Variants in DCAF13 observed in about 807,000 individuals in gnomAD.
The protein encoded by DCAF13 is DDB1 and CUL4 associated factor 13.
A neutral mutation model predicts 59.0 loss-of-function variants in DCAF13; 38 were observed. The observed-to-expected ratio is 0.64, with a 90% confidence interval of 0.50 to 0.84. The LOEUF is 0.84. Ranked by LOEUF, DCAF13 falls within the 40% of genes least tolerant of loss-of-function variation. DCAF13 has a pLI of 0.00. For synonymous variants in DCAF13, 173 were observed against 175.0 expected, an observed-to-expected ratio of 0.99 and a Z score of 0.09; for missense variants, 469 against 558.4, an observed-to-expected ratio of 0.84 and a Z score of 1.61.
At chr8:103,435,093 A>G (rs1453442306) in intron 7 of DCAF13, among the ~76,000 whole-genome samples, 3 of 152,140 alleles carry the variant, frequency 2.0e-5, no homozygotes, top group Non-Finnish European at 2.9e-5. Context: ...ATTATATATA[A>G]TAAAATGTTG....
chr8:103,435,384 A>T (rs1816919146), intron 7 of DCAF13, among the ~76,000 whole-genome samples: 1 of 152,124 alleles, frequency 6.6e-6, no homozygotes, highest in South Asian at 2.1e-4. Context: ...AAATTTCCAC[A>T]TTTTCTACAA....
At chr8:103,420,851 T>A in intron 2 of DCAF13, 124 bp from the exon 3 acceptor site, 3 of 669,340 alleles carry the variant, frequency 4.5e-6, no homozygotes, top group South Asian at 1.8e-5. Context: ...TTGCATTGTT[T>A]TAATCCAAAG....
intron 5 of DCAF13, 26 bp downstream of exon 5, chr8:103,427,278 T>C: frequency 6.3e-7 from 1 of 1,582,596 alleles, no homozygotes. Flanking sequence ...AAGTATGTTT[T>C]ACTTATTATG....
chr8:103,420,043 A>G (rs1475978775), intron 1 of DCAF13, among the ~76,000 whole-genome samples: 1 of 151,756 alleles, frequency 6.6e-6, no homozygotes, highest in Non-Finnish European at 1.5e-5. Flanking sequence ...GCATGTATAT[A>G]TACCTAGGGT....
intron 1 of DCAF13, among the ~76,000 whole-genome samples, chr8:103,418,858 ATATATATATTTTTTTTTTTTTTTTTTTTT>A (rs1443396298): frequency 1.1e-4 from 4 of 34,950 alleles, no homozygotes; most frequent in Non-Finnish European, 1.9e-4. Context: ...ATATATATAT[ATATATATATTTTTTTTTTTTTTTTTTTTT>A]TTTTTTTTTT....
chr8:103,420,388 C>A lies in DCAF13; in HGVS notation c.195C>A (p.His65Gln). 1 of 1,614,116 alleles carries A rather than the reference C, an allele frequency of 6.2e-7. No homozygotes were observed. Reference sequence around the variant, plus strand: ...CATTCCTTGCTTCGCTGGATGGTCACCGTGATGGAGTCAATTGCTTGGCAA... The same window carrying A: ...CATTCCTTGCTTCGCTGGATGGTCAACGTGATGGAGTCAATTGCTTGGCAA... Reference protein sequence around the residue: ...AKPFLASLDGHRDGVNCLAKH... With the variant: ...AKPFLASLDGQRDGVNCLAKH... The change falls in exon 2 of 11, where the codon CAC (histidine) becomes CAA (glutamine). Residue 65 changes from histidine to glutamine, a missense_variant. Transcript: ENST00000612750.
chr8:103,439,088 A>G (rs1386801834), intron 8 of DCAF13, among the ~76,000 whole-genome samples: 1 of 152,100 alleles, frequency 6.6e-6, no homozygotes, highest in Non-Finnish European at 1.5e-5. Flanking sequence ...GCTCACTGCA[A>G]GCTCCGCCTC....
chr8:103,438,362 C>CT (rs1816961542), intron 8 of DCAF13, among the ~76,000 whole-genome samples: 1 of 151,674 alleles, frequency 6.6e-6, no homozygotes, highest in Non-Finnish European at 1.5e-5. Flanking sequence ...TATCAAAGTG[C>CT]TTAAAACATA....
At chr8:103,442,700 T>A in intron 10 of DCAF13, 95 bp from the exon 11 acceptor site, 1 of 779,146 alleles carries the variant, frequency 1.3e-6, no homozygotes, top group Non-Finnish European at 2.0e-6. Flanking sequence ...AATAGGTGTT[T>A]TTCTAGTGAA....
rs1240125608 is a variant in DCAF13, at chr8:103,415,446, G to C, written c.-1G>C. On this transcript the variant is annotated 5_prime_UTR_variant, in exon 1 of 11. Coordinates refer to ENST00000612750, the MANE Select transcript of DCAF13 (RefSeq NM_015420.7). ...GGAGTCCGGCCGGAAGAGCAACCGA[G>C]ATGAAGGTGAAGATGCTGAGCCGGA... is the stretch of plus-strand genomic sequence containing the variant. The C allele has an allele frequency of 1.2e-6, 2 of 1,614,128 alleles. No individual in the cohort carries two copies. The highest frequency in any genetic ancestry group is 3.3e-5 in the Admixed American group (2 of 60,030).
intron 4 of DCAF13, among the ~76,000 whole-genome samples, chr8:103,426,849 A>T (rs1222864953): frequency 6.6e-6 from 1 of 152,144 alleles, no homozygotes; most frequent in Admixed American, 6.5e-5. Flanking sequence ...ATGGGGTATG[A>T]GTATGAGGTA....
intron 8 of DCAF13, among the ~76,000 whole-genome samples, chr8:103,437,318 A>G (rs1021211932): frequency 3.9e-5 from 6 of 152,210 alleles, no homozygotes; most frequent in Non-Finnish European, 7.3e-5. Context: ...GTAGTAGGAT[A>G]GTATTTTTCC....
intron 8 of DCAF13, among the ~76,000 whole-genome samples, chr8:103,436,551 A>T (rs552853053): frequency 6.6e-6 from 1 of 152,268 alleles, no homozygotes; most frequent in South Asian, 2.1e-4. Flanking sequence ...TACATATTAT[A>T]TGTTATTAAA....
intron 3 of DCAF13, among the ~76,000 whole-genome samples, chr8:103,422,639 G>T (rs980686103): frequency 6.6e-6 from 1 of 152,218 alleles, no homozygotes; most frequent in South Asian, 2.1e-4. Flanking sequence ...CATAATTCTA[G>T]TCTTTCACTT....
chr8:103,422,974 G>C (rs3098235), intron 3 of DCAF13, among the ~76,000 whole-genome samples: 7,926 of 152,136 alleles, frequency 0.052, 265 homozygotes, highest in Non-Finnish European at 0.078. Flanking sequence ...ATAGGTGTTA[G>C]TGTTAAAAGA....
chr8:103,433,423 GTATCT>G (rs1563505564), intron 7 of DCAF13, among the ~76,000 whole-genome samples: 1 of 152,040 alleles, frequency 6.6e-6, no homozygotes, highest in South Asian at 2.1e-4. Flanking sequence ...GGAGGAAAGA[GTATCT>G]TATCTTTTTT....
intron 3 of DCAF13, among the ~76,000 whole-genome samples, chr8:103,423,943 G>A (rs1261268254): frequency 2.0e-5 from 3 of 151,982 alleles, no homozygotes; most frequent in East Asian, 3.9e-4. Flanking sequence ...GCTCAAGCCT[G>A]TCTCAGCCTC....
intron 1 of DCAF13, among the ~76,000 whole-genome samples, chr8:103,419,356 T>C (rs1430565387): frequency 6.6e-6 from 1 of 152,184 alleles, no homozygotes; most frequent in Non-Finnish European, 1.5e-5. Context: ...GAGATAGTAA[T>C]AGAACTTAAC....
intron 3 of DCAF13, 66 bp downstream of exon 3, chr8:103,421,148 AT>A: frequency 2.9e-5 from 32 of 1,122,564 alleles, no homozygotes; most frequent in East Asian, 4.7e-5. Flanking sequence ...AATTGAATAC[AT>A]TTTTTTTCAA....
Sources: allele counts gnomAD v4.1 joint callset (sites outside exome capture counted in the v4.1 genomes callset), GRCh38; gene constraint gnomAD v4.1.1; transcripts MANE v1.5; gene names NCBI Gene and HGNC (gene_info 2026-07-23, HGNC 2026-07-21).